The following NLRP7 variants were observed in gnomAD, a reference collection of about 807,000 sequenced individuals.
NLRP7 encodes NLR family pyrin domain containing 7, also known as NACHT, LRR and PYD domains-containing protein 7.
Under a neutral mutation model 85.5 loss-of-function variants are expected in NLRP7, and 72 were observed. The ratio of observed to expected loss-of-function variants is 0.84; its 90% CI spans 0.70 to 1.02. NLRP7 has a LOEUF of 1.02. Ranked by LOEUF, NLRP7 falls within the 50% of genes least tolerant of loss-of-function variation. NLRP7 has a pLI of 0.00. For synonymous variants in NLRP7, 550 were observed against 505.2 expected, an observed-to-expected ratio of 1.09 and a Z score of -1.19; for missense variants, 1,243 against 1,219.5, an observed-to-expected ratio of 1.02 and a Z score of -0.29.
chr19:54,928,041 A>G (rs1020589522), intron 9 of NLRP7, among the ~76,000 whole-genome samples: 16 of 152,160 alleles, frequency 1.1e-4, no homozygotes, highest in African/African-American at 3.9e-4. Flanking sequence ...CAGCCAGGCC[A>G]ACATGGCAAA....
chr19:54,945,687 C>T (rs1176153014), intron 1 of NLRP7, among the ~76,000 whole-genome samples: 2 of 152,136 alleles, frequency 1.3e-5, no homozygotes, highest in African/African-American at 4.8e-5. Context: ...CAACCTCCAC[C>T]TCCCAGGTTC....
chr19:54,927,012 C>T (rs912171616), intron 9 of NLRP7, among the ~76,000 whole-genome samples: 11 of 151,760 alleles, frequency 7.2e-5, no homozygotes, highest in Non-Finnish European at 1.5e-4. Flanking sequence ...ATCGCTTCAA[C>T]CTGTGAGAAG....
intron 1 of NLRP7, among the ~76,000 whole-genome samples, chr19:54,943,518 G>C (rs530154016): frequency 6.6e-6 from 1 of 150,682 alleles, no homozygotes; most frequent in Non-Finnish European, 1.5e-5. Context: ...GGAGAATGGC[G>C]GGAACCCGGG....
At position 54,940,301 on chromosome 19, in the gene NLRP7, G is replaced by A. The variant is rs769310230; in HGVS notation, c.518C>T (p.Thr173Met). ...GCCTGCGGGGCCGTGCAGCACCACC[G>A]TGTAAGGTGTTAGCTTCCTGGGTGT... The change falls in exon 4 of 10, where the codon ACG becomes ATG. Residue 173 changes from threonine (T) to methionine (M), a missense_variant. Transcript: ENST00000340844. 54 of 1,614,086 alleles carry A rather than the reference G, an allele frequency of 3.3e-5. No homozygotes were observed. Among genetic ancestry groups the A allele is most frequent in the Non-Finnish European group, 4.1e-5 (48 of 1,180,046 alleles).
chr19:54,946,356 C>T (rs1174645761), intron 1 of NLRP7, among the ~76,000 whole-genome samples: 2 of 151,578 alleles, frequency 1.3e-5, no homozygotes, highest in Non-Finnish European at 2.9e-5. Flanking sequence ...GGATTACAGG[C>T]ATGTGCCACC....
intron 6 of NLRP7, among the ~76,000 whole-genome samples, chr19:54,935,697 A>G (rs995452319): frequency 1.3e-5 from 1 of 75,274 alleles, no homozygotes; most frequent in African/African-American, 1.3e-4. Context: ...TCTCAAAGAA[A>G]AAAAAAAAAA....
At chr19:54,944,369 C>T (rs1226923888) in intron 1 of NLRP7, among the ~76,000 whole-genome samples, 1 of 151,884 alleles carries the variant, frequency 6.6e-6, no homozygotes, top group Non-Finnish European at 1.5e-5. Flanking sequence ...TATGTATGAG[C>T]ACATCAAGGC....
chr19:54,949,980 T>C (rs1255750337), upstream of NLRP7, among the ~76,000 whole-genome samples: 2 of 151,920 alleles, frequency 1.3e-5, no homozygotes, highest in Non-Finnish European at 2.9e-5. Context: ...AGTGCACCTG[T>C]AGACCCAGCT....
chr19:54,933,501 A>ACTTT, intron 8 of NLRP7, 68 bp downstream of exon 8: 2 of 1,574,130 alleles, frequency 1.3e-6, no homozygotes, highest in Non-Finnish European at 1.7e-6. Context: ...AAATGAATTA[A>ACTTT]CAAGTACTTT....
chr19:54,962,524 G>A (rs1451012127), intron 1 of NLRP7, among the ~76,000 whole-genome samples: 1 of 151,580 alleles, frequency 6.6e-6, no homozygotes, highest in African/African-American at 2.4e-5. Context: ...ACCCGCCTCG[G>A]CCTCCCAAAG....
At chr19:54,948,558 A>T (rs2069568345), upstream of NLRP7, among the ~76,000 whole-genome samples, 1 of 152,006 alleles carries the variant, frequency 6.6e-6, no homozygotes, top group African/African-American at 2.4e-5. Flanking sequence ...TCAAAAAAAT[A>T]AATAGATAAC....
chr19:54,934,774 A>C lies in NLRP7; in HGVS notation c.2301-115T>G, dbSNP rs1402552157. The C allele has an allele frequency of 9.7e-6, 8 of 821,586 alleles. No individual in the cohort carries two copies. The highest frequency in any genetic ancestry group is 1.5e-5 in the Non-Finnish European group (8 of 530,492). The allele number at this position is 821,586 out of a possible 1,614,324, so 50.9% of individuals were successfully genotyped here. A position where few individuals can be genotyped will look rare whatever the true frequency, so the allele number is the denominator to read the frequency against. On this transcript the variant is annotated intron_variant, in intron 6 of 9. Transcript: ENST00000340844. This position sits in a 1 kb window ranked among gnomAD's most constrained non-coding sequence, Gnocchi z 6.7. ...GCCCAGTCTGGAATGCAAAGGCGTG[A>C]TCTCACCTCACTGCAGCCTCCGCCT...
At chr19:54,962,693 G>A (rs1398231117) in intron 1 of NLRP7, among the ~76,000 whole-genome samples, 1 of 151,182 alleles carries the variant, frequency 6.6e-6, no homozygotes, top group East Asian at 2.0e-4. Flanking sequence ...TCCGCCTCCC[G>A]GGTTCACGCC....
chr19:54,953,051 G>C (rs980335036), intron 1 of NLRP7: 2 of 151,376 alleles, frequency 1.3e-5, no homozygotes, highest in South Asian at 2.1e-4. Context: ...CAGGAGAATC[G>C]CTTGAGCCGG....
intron 1 of NLRP7, among the ~76,000 whole-genome samples, chr19:54,964,087 G>A (rs2070188990): frequency 6.7e-6 from 1 of 150,196 alleles, no homozygotes; most frequent in African/African-American, 2.4e-5. Context: ...CATCATCTTG[G>A]CCAGGCTGGT....
chr19:54,927,803 G>C (rs116109745), intron 9 of NLRP7, 28 bp from the exon 10 acceptor site: 1 of 1,604,284 alleles, frequency 6.2e-7, no homozygotes, highest in South Asian at 1.1e-5. Context: ...GGAAATCCAC[G>C]CATTCACTGA....
upstream of NLRP7, among the ~76,000 whole-genome samples, chr19:54,948,578 A>ATT (rs113897847): frequency 1.3e-5 from 2 of 148,210 alleles, no homozygotes; most frequent in African/African-American, 4.9e-5. Context: ...CTGATATTTA[A>ATT]TTTTTTTTTT....
At chr19:54,945,043 T>G (rs2069405215) in intron 1 of NLRP7, among the ~76,000 whole-genome samples, 1 of 151,104 alleles carries the variant, frequency 6.6e-6, no homozygotes, top group Admixed American at 6.6e-5. Context: ...CTCAAGACCA[T>G]CCTGGCTAAC....
At chr19:54,965,340 C>A (rs1033837665) in intron 1 of NLRP7, 2 of 103,974 alleles carry the variant, frequency 1.9e-5, no homozygotes, top group African/African-American at 8.7e-5. Flanking sequence ...AACCTGCAGC[C>A]CTCATCTCCG....
Sources: gnomAD v4.1 joint callset for allele counts (sites outside exome capture counted in the v4.1 genomes callset) on GRCh38, gnomAD v4.1.1 for gene constraint, Gnocchi (gnomAD v3.1) non-coding constraint, MANE v1.5 for transcripts, NCBI Gene and HGNC (gene_info 2026-07-23, HGNC 2026-07-21) for gene names.